ANK3: variants seen among roughly 807,000 people sequenced by gnomAD.
The protein encoded by ANK3 is ankyrin-3.
ANK3 carries 57 observed loss-of-function variants against 370.9 expected under a neutral mutation model. That is an observed-to-expected ratio of 0.15 (90% confidence interval 0.12 to 0.19). ANK3 has a LOEUF of 0.19. ANK3 is among the 10% of genes least tolerant of loss of function. ANK3 has a pLI of 1.00. For synonymous variants in ANK3, 1,929 were observed against 1,946.3 expected, an observed-to-expected ratio of 0.99 and a Z score of 0.23; for missense variants, 4,439 against 5,302.1, an observed-to-expected ratio of 0.84 and a Z score of 5.06.
At chr10:60,216,759 T>C (rs990627661) in intron 8 of ANK3, among the ~76,000 whole-genome samples, 3 of 152,210 alleles carry the variant, frequency 2.0e-5, no homozygotes, top group African/African-American at 7.2e-5. Context: ...GGTTTTGGTA[T>C]CAGGATGATG....
intron 2 of ANK3, among the ~76,000 whole-genome samples, chr10:60,498,012 C>T (rs534605400): frequency 3.9e-5 from 6 of 152,292 alleles, no homozygotes; most frequent in African/African-American, 9.6e-5. Context: ...TTATCACCGT[C>T]GGACTCCTGA....
chr10:60,668,309 A>T (rs2079024304), intron 1 of ANK3, among the ~76,000 whole-genome samples: 1 of 151,470 alleles, frequency 6.6e-6, no homozygotes, highest in African/African-American at 2.5e-5. Flanking sequence ...TCCATAGAGA[A>T]GGTGCCCCTG....
At chr10:60,085,396 A>G (rs7084246) in intron 30 of ANK3, 143 bp from the exon 31 acceptor site, 1 of 492,178 alleles carries the variant, frequency 2.0e-6, no homozygotes, top group African/African-American at 2.0e-5. Context: ...TACTAAAGGT[A>G]GTTTTCCTCT....
chr10:60,249,350 G>T (rs1239258254), intron 7 of ANK3, among the ~76,000 whole-genome samples: 3 of 152,096 alleles, frequency 2.0e-5, no homozygotes, highest in African/African-American at 4.8e-5. Context: ...ATCCCCTTTT[G>T]TTTTAACATT....
chr10:60,639,489 G>T (rs943450123), intron 1 of ANK3, among the ~76,000 whole-genome samples: 2 of 151,202 alleles, frequency 1.3e-5, no homozygotes, highest in Non-Finnish European at 3.0e-5. Context: ...TATATTTTAA[G>T]TTACTTTTTA....
chr10:60,297,443 A>G (rs1566361969), intron 1 of ANK3, among the ~76,000 whole-genome samples: 1 of 152,302 alleles, frequency 6.6e-6, no homozygotes, highest in East Asian at 1.9e-4. Flanking sequence ...TTTCCCTGAA[A>G]TACACTGAAA....
intron 31 of ANK3, 53 bp from the exon 32 acceptor site, chr10:60,084,883 T>C: frequency 7.6e-7 from 1 of 1,311,774 alleles, no homozygotes; most frequent in Non-Finnish European, 1.0e-6. Context: ...AAAAGCCAAA[T>C]CTTAAAAAGA....
rs112434034 is a variant in ANK3, at chr10:60,715,124, T to C, written c.57+18139A>G. Among the ~76,000 whole-genome samples the C allele has an allele frequency of 4.6e-3, 378 of 82,058 alleles. 2 individuals are homozygous for C. The highest frequency in any genetic ancestry group is 0.014 in the African/African-American group (366 of 26,780). 53.8% of individuals were successfully genotyped at this position (82,058 alleles called of 152,430 possible). On this transcript the variant is annotated intron_variant, in intron 1 of 43. Coordinates refer to the ANK3 transcript ENST00000373827. ...GGAACACTCTACATTTTCTACTCCATTTTTCTGTAAACCTAAAACTGCTCT... is the reference window on the plus strand; with the variant it reads ...GGAACACTCTACATTTTCTACTCCACTTTTCTGTAAACCTAAAACTGCTCT...
chr10:60,733,133 G>C (rs1240333157), intron 1 of ANK3: 2 of 751,522 alleles, frequency 2.7e-6, no homozygotes, highest in African/African-American at 1.8e-5. Context: ...CCGGAGCCTC[G>C]CGGCGCCGCC....
At chr10:60,441,630 CATA>C (rs753015656) in intron 2 of ANK3, among the ~76,000 whole-genome samples, 7 of 152,230 alleles carry the variant, frequency 4.6e-5, no homozygotes, top group South Asian at 2.1e-4. Flanking sequence ...TTATATCTGG[CATA>C]ATAAGTAAAA....
chr10:60,193,753 C>A (rs2096537180), intron 16 of ANK3, among the ~76,000 whole-genome samples: 1 of 152,088 alleles, frequency 6.6e-6, no homozygotes, highest in Non-Finnish European at 1.5e-5. Context: ...TTTTTATTCT[C>A]ATCCAAGGAA....
chr10:60,652,638 C>A lies in ANK3; in HGVS notation c.58-37414G>T. On this transcript the variant is annotated intron_variant, in intron 1 of 43. Transcript: ENST00000373827. ...AGGTTTTTATTGAGGAGGGAAGACA[C>A]CAGCTTGTTTACCATATTATTGTTT... Among the ~76,000 whole-genome samples, 4 of 150,464 alleles carry A rather than the reference C, an allele frequency of 2.7e-5. 1 individual carries two copies. The highest frequency in any genetic ancestry group is 2.7e-4 in the Admixed American group (4 of 15,084).
intron 1 of ANK3, among the ~76,000 whole-genome samples, chr10:60,322,860 T>C (rs2048978091): frequency 6.6e-6 from 1 of 152,126 alleles, no homozygotes; most frequent in Non-Finnish European, 1.5e-5. Flanking sequence ...TGCTGACTAA[T>C]TGAGTATGAG....
chr10:60,564,275 A>G (rs2077407692), intron 2 of ANK3, among the ~76,000 whole-genome samples: 1 of 152,216 alleles, frequency 6.6e-6, no homozygotes, highest in African/African-American at 2.4e-5. Flanking sequence ...AGTAAAATGG[A>G]AAAGGATTAA....
intron 1 of ANK3, among the ~76,000 whole-genome samples, chr10:60,632,133 C>T (rs941925917): frequency 7.9e-5 from 12 of 151,840 alleles, no homozygotes; most frequent in African/African-American, 2.7e-4. Flanking sequence ...CCTGTATCTA[C>T]AAAATCAGAC....
chr10:60,520,631 C>T (rs1423637914), intron 2 of ANK3, among the ~76,000 whole-genome samples: 1 of 152,056 alleles, frequency 6.6e-6, no homozygotes, highest in Non-Finnish European at 1.5e-5. Flanking sequence ...TCTGTATATT[C>T]TCCTGACCAT....
chr10:60,599,164 C>CAAGTGAT (rs1424694149), intron 2 of ANK3, among the ~76,000 whole-genome samples: 1 of 152,066 alleles, frequency 6.6e-6, no homozygotes. Flanking sequence ...CTCCTGAGCT[C>CAAGTGAT]AAGTGATCCT....
At chr10:60,163,698 A>AT (rs907878377) in intron 23 of ANK3, among the ~76,000 whole-genome samples, 24 of 152,292 alleles carry the variant, frequency 1.6e-4, no homozygotes, top group South Asian at 1.5e-3. Flanking sequence ...TTGCTTTTTA[A>AT]TTTTTTATCT....
At chr10:60,056,816 G>C (rs2079263218) in intron 41 of ANK3, among the ~76,000 whole-genome samples, 1 of 152,136 alleles carries the variant, frequency 6.6e-6, no homozygotes, top group Non-Finnish European at 1.5e-5. Flanking sequence ...TTGAGCCCAG[G>C]AATTTGAGTT....
Sources: allele counts gnomAD v4.1 joint callset (sites outside exome capture counted in the v4.1 genomes callset), GRCh38; gene constraint gnomAD v4.1.1; transcripts MANE v1.5; gene names NCBI Gene and HGNC (gene_info 2026-07-23, HGNC 2026-07-21).